Variants in TMTC1 observed in about 807,000 individuals in gnomAD.
The protein encoded by TMTC1 is protein O-mannosyl-transferase TMTC1.
A neutral mutation model predicts 104.8 loss-of-function variants in TMTC1; 73 were observed. That is an observed-to-expected ratio of 0.70 (90% CI 0.58 to 0.85). The LOEUF is 0.85. TMTC1 is among the 40% of genes least tolerant of loss of function. The pLI is 0.00. For synonymous variants in TMTC1, 434 were observed against 428.7 expected, an observed-to-expected ratio of 1.01 and a Z score of -0.15; for missense variants, 1,035 against 1,096.1, an observed-to-expected ratio of 0.94 and a Z score of 0.79.
At chr12:29,660,441 T>C (rs1449857832) in intron 5 of TMTC1, among the ~76,000 whole-genome samples, 1 of 152,146 alleles carries the variant, frequency 6.6e-6, no homozygotes, top group African/African-American at 2.4e-5. Context: ...TACAGGGTTG[T>C]TATATTTAAG....
At chr12:29,683,874 C>T (rs1941005610) in intron 5 of TMTC1, among the ~76,000 whole-genome samples, 2 of 151,470 alleles carry the variant, frequency 1.3e-5, no homozygotes, top group African/African-American at 2.4e-5. Context: ...ACAGGTTCTC[C>T]CTCTGTCACC....
In TMTC1 at chr12:29,583,570, C is replaced by T. The variant is rs371916265; in HGVS notation, c.1255G>A (p.Gly419Ser). Residue 419 changes from glycine (G) to serine (S), a missense_variant, in exon 8 of 18, where the codon GGC (glycine) becomes AGC (serine). Gly to Ser is a moderately conservative substitution (Grantham distance 56, BLOSUM62 0). Transcript: ENST00000539277. ...AERVLYMPSM[G>S]YCILFVHGLS... ...CCATGCACAAAAAGGATGCAGTAGC[C>T]CATGCTGGAAAACAGGGTGGAAGGA... The T allele has an allele frequency of 1.2e-6, 2 of 1,612,052 alleles. No individual in the cohort carries two copies. The highest frequency in any genetic ancestry group is 1.7e-6 in the Non-Finnish European group (2 of 1,178,990).
intron 5 of TMTC1, among the ~76,000 whole-genome samples, chr12:29,694,000 T>C (rs11050383): frequency 0.015 from 2,347 of 152,340 alleles, 63 homozygotes; most frequent in African/African-American, 0.054. Context: ...TTAATAGGTG[T>C]ATTAAAAATA....
chr12:29,634,466 AC>A (rs1938454068), intron 5 of TMTC1, among the ~76,000 whole-genome samples: 2 of 816 alleles, frequency 2.5e-3, no homozygotes, highest in African/African-American at 3.6e-3. Context: ...ACTACTGAAA[AC>A]CCCCACTCCA....
chr12:29,746,634 T>C (rs1015825357), intron 5 of TMTC1, among the ~76,000 whole-genome samples: 7 of 152,226 alleles, frequency 4.6e-5, no homozygotes, highest in African/African-American at 1.7e-4. Context: ...ACCCATTTTA[T>C]CATTGAAGGT....
rs1449855263 is a variant in TMTC1 at position 29,503,807 on chromosome 12, G to C, written c.*3039C>G. ...TATTAATTATTAAGAATTTCAGTTG[G>C]ACATGGTGGCTTATGCCTTTAATCC... On this transcript the variant is annotated 3_prime_UTR_variant, in exon 18 of 18. Coordinates refer to ENST00000539277, the MANE Select transcript of TMTC1 (RefSeq NM_001193451.2). 1 of 152,220 alleles carries C rather than the reference G, an allele frequency of 6.6e-6. No individual in the cohort carries two copies. The highest frequency in any genetic ancestry group is 1.5e-5 in the Non-Finnish European group (1 of 68,056). 9.4% of individuals were successfully genotyped at this position (152,220 alleles called of 1,614,324 possible). A position where few individuals can be genotyped will look rare whatever the true frequency, so the allele number is the denominator to read the frequency against.
rs544408110 is a variant in TMTC1, at chr12:29,720,228, ACT to A, written c.938+31436_938+31437del. 1.6e-4 allele frequency among the ~76,000 whole-genome samples: 25 copies of A among 152,004 alleles called. No homozygotes were observed. In the South Asian group the frequency reaches 4.0e-3, roughly 24 times the overall value. On this transcript the variant is annotated intron_variant, in intron 5 of 17. Transcript: ENST00000539277. ...AAACATTTCACAACACTAAATCCAT[ACT>A]CTTTCTCCTTGTGTCTTACAATTCT... is the stretch of plus-strand genomic sequence containing the variant.
intron 5 of TMTC1, among the ~76,000 whole-genome samples, chr12:29,634,144 A>G (rs1262885845): frequency 6.6e-6 from 1 of 152,176 alleles, no homozygotes; most frequent in Non-Finnish European, 1.5e-5. Flanking sequence ...TACCTGAGAA[A>G]TGCTGTCAGG....
chr12:29,554,287 C>T (rs767211271), intron 10 of TMTC1, among the ~76,000 whole-genome samples: 1 of 151,756 alleles, frequency 6.6e-6, no homozygotes, highest in African/African-American at 2.4e-5. Context: ...TAAAAAGAGC[C>T]TCTTAGAACT....
chr12:29,619,798 T>A (rs192088181), intron 6 of TMTC1, among the ~76,000 whole-genome samples: 4 of 152,202 alleles, frequency 2.6e-5, no homozygotes, highest in African/African-American at 9.7e-5. Flanking sequence ...TTTTATGTTA[T>A]ATTCTGCCCT....
rs911140788 is a variant in TMTC1 at position 29,524,011 on chromosome 12, A to G, written c.1786-3291T>C. On this transcript the variant is annotated intron_variant, in intron 11 of 17. Transcript: ENST00000539277. The stretch of plus-strand genomic sequence containing the variant: ...GTGTGACCATTAGGCTTTTAACGCC[A>G]TTCTCAGTTACCATTATTTTAGGGT... Among the ~76,000 whole-genome samples the G allele has an allele frequency of 2.0e-5, 3 of 152,140 alleles. No homozygotes were observed. The East Asian group carries it at 5.8e-4, about 29-fold the overall frequency.
chr12:29,681,151 A>G (rs1316820998), intron 5 of TMTC1, among the ~76,000 whole-genome samples: 2 of 152,014 alleles, frequency 1.3e-5, no homozygotes, highest in South Asian at 4.1e-4. Flanking sequence ...TCTGGAATAT[A>G]AAGCATGACA....
At chr12:29,558,072 T>C (rs1163737724) in intron 9 of TMTC1, among the ~76,000 whole-genome samples, 1 of 152,190 alleles carries the variant, frequency 6.6e-6, no homozygotes, top group Non-Finnish European at 1.5e-5. Flanking sequence ...TTATACTGAT[T>C]AAGGTAAGAA....
intron 9 of TMTC1, among the ~76,000 whole-genome samples, chr12:29,569,363 G>A (rs1945605156): frequency 6.6e-6 from 1 of 152,200 alleles, no homozygotes; most frequent in Non-Finnish European, 1.5e-5. Context: ...TTGCCTTTGA[G>A]ATCTATTCAG....
chr12:29,703,799 C>A (rs1012796749), intron 5 of TMTC1, among the ~76,000 whole-genome samples: 1 of 152,150 alleles, frequency 6.6e-6, no homozygotes, highest in East Asian at 1.9e-4. Context: ...CCTTTGAAAC[C>A]CTTTTATATT....
chr12:29,737,256 C>T (rs919384117), intron 5 of TMTC1, among the ~76,000 whole-genome samples: 2 of 152,168 alleles, frequency 1.3e-5, no homozygotes, highest in South Asian at 2.1e-4. Context: ...TGGTGGCTCA[C>T]GCCTGTAATC....
At chr12:29,573,146 T>C (rs935868351) in intron 8 of TMTC1, among the ~76,000 whole-genome samples, 51 of 152,258 alleles carry the variant, frequency 3.3e-4, no homozygotes, top group African/African-American at 1.2e-3. Flanking sequence ...GGAAAACACA[T>C]TCCAGATCTA....
Position 29,751,611 on chromosome 12 carries a change from C to G in TMTC1, c.938+55G>C, listed in dbSNP as rs543150277. On this transcript the variant is annotated intron_variant, in intron 5 of 17. Transcript: ENST00000539277. Reference sequence around the variant, plus strand: ...ACTTCCCCAGGCATCCCAGGCTGCACTAGGTGATGCTGGACATTGAAAACA... The same window carrying G: ...ACTTCCCCAGGCATCCCAGGCTGCAGTAGGTGATGCTGGACATTGAAAACA... 2.5e-6 allele frequency: 4 copies of G among 1,586,910 alleles called. No individual in the cohort carries two copies. The African/African-American group carries it at 4.0e-5, about 16-fold the overall frequency.
intron 5 of TMTC1, among the ~76,000 whole-genome samples, chr12:29,666,460 C>T (rs1940291741): frequency 6.6e-6 from 1 of 151,850 alleles, no homozygotes; most frequent in Admixed American, 6.6e-5. Context: ...GTCTCGATCT[C>T]CTGACCTCGT....
Sources: allele counts gnomAD v4.1 joint callset (sites outside exome capture counted in the v4.1 genomes callset), GRCh38; gene constraint gnomAD v4.1.1; transcripts MANE v1.5; gene names NCBI Gene and HGNC (gene_info 2026-07-23, HGNC 2026-07-21).